The following CWF19L1 variants were observed in gnomAD, a reference collection of about 807,000 sequenced individuals.
The protein encoded by CWF19L1 is CWF19-like protein 1.
Under a neutral mutation model 69.7 loss-of-function variants are expected in CWF19L1, and 60 were observed. The observed-to-expected ratio is 0.86, with a 90% confidence interval of 0.70 to 1.07. The LOEUF (loss-of-function observed/expected upper bound fraction) is 1.07. CWF19L1 is among the 50% of genes least tolerant of loss of function. The pLI, the probability that CWF19L1 is intolerant of heterozygous loss-of-function variation, is 0.00. For synonymous variants in CWF19L1, 209 were observed against 222.2 expected, an observed-to-expected ratio of 0.94 and a Z score of 0.53; for missense variants, 591 against 638.9, an observed-to-expected ratio of 0.92 and a Z score of 0.81.
At chr10:100,256,899 T>C (rs1017901953) in intron 4 of CWF19L1, among the ~76,000 whole-genome samples, 1 of 152,158 alleles carries the variant, frequency 6.6e-6, no homozygotes, top group Non-Finnish European at 1.5e-5. Flanking sequence ...AAGATGCACA[T>C]AGTGAAACCC....
rs376614861 is a variant in CWF19L1 at position 100,261,070 on chromosome 10, T to C, written c.109-26A>G. ...CTAAAATGAGTTTTTTAAACAGATA[T>C]ATGAGATTTTAAAATATCAAACAGT... On this transcript the variant is annotated intron_variant, in intron 2 of 13. Transcript: ENST00000354105. 6.0e-6 allele frequency: 9 copies of C among 1,492,574 alleles called. No homozygotes were observed. In the African/African-American group the frequency reaches 6.9e-5, roughly 12 times the overall value. The allele number at this position is 1,492,574 out of a possible 1,614,324, so 92.5% of individuals were successfully genotyped here.
intron 7 of CWF19L1, among the ~76,000 whole-genome samples, chr10:100,247,711 A>G (rs1429179942): frequency 6.6e-6 from 1 of 152,206 alleles, no homozygotes; most frequent in Non-Finnish European, 1.5e-5. Flanking sequence ...CCCGACCAAC[A>G]TGGAGAAATC....
At chr10:100,253,031 A>T (rs183675620) in intron 6 of CWF19L1, among the ~76,000 whole-genome samples, 1 of 152,220 alleles carries the variant, frequency 6.6e-6, no homozygotes, top group Admixed American at 6.5e-5. Context: ...TTTTAAAGAA[A>T]TGGGGCTCCC....
Position 100,239,979 on chromosome 10 carries a change from A to G in CWF19L1, c.1045-1748T>C, listed in dbSNP as rs183308623. Among the ~76,000 whole-genome samples the G allele has an allele frequency of 1.7e-4, 26 of 152,368 alleles. No individual in the cohort carries two copies. In the East Asian group the frequency reaches 5.0e-3, roughly 29 times the overall value. ...CTATTTTTGTCAGAAGGTCACTGCC[A>G]TAAACATCAGCTTCTCTATTATGAT... On this transcript the variant is annotated intron_variant, in intron 10 of 13. Transcript: ENST00000354105.
At chr10:100,236,736 C>T in intron 12 of CWF19L1, 114 bp downstream of exon 12, 1 of 1,330,270 alleles carries the variant, frequency 7.5e-7, no homozygotes, top group Admixed American at 2.5e-5. Flanking sequence ...TGCCACTGCA[C>T]TCCAACCTAG....
At chr10:100,253,783 C>A (rs558977055) in intron 5 of CWF19L1, 2 of 403,314 alleles carry the variant, frequency 5.0e-6, no homozygotes, top group Non-Finnish European at 8.7e-6. Context: ...AAAGGTAACT[C>A]CTCCATATCA....
At chr10:100,240,794 G>A (rs1053596935) in intron 10 of CWF19L1, among the ~76,000 whole-genome samples, 4 of 152,076 alleles carry the variant, frequency 2.6e-5, no homozygotes, top group Non-Finnish European at 5.9e-5. Context: ...TTGTGTGGGA[G>A]AGAAAAATAG....
At chr10:100,255,180 A>G (rs1290418867) in intron 5 of CWF19L1, among the ~76,000 whole-genome samples, 1 of 152,242 alleles carries the variant, frequency 6.6e-6, no homozygotes, top group East Asian at 1.9e-4. Flanking sequence ...TCCCCATGAT[A>G]GTTGTCACTC....
intron 1 of CWF19L1, among the ~76,000 whole-genome samples, chr10:100,265,474 G>T (rs948474447): frequency 6.7e-5 from 10 of 148,448 alleles, no homozygotes; most frequent in African/African-American, 2.0e-4. Context: ...TCCTACACAG[G>T]TTGTGCCCTT....
chr10:100,255,968 A>G (rs1847200217), intron 5 of CWF19L1, among the ~76,000 whole-genome samples: 1 of 152,052 alleles, frequency 6.6e-6, no homozygotes, highest in African/African-American at 2.4e-5. Context: ...AAATCAGTGA[A>G]GCCTCAAAAC....
At position 100,262,044 on chromosome 10, in the gene CWF19L1, C is replaced by T. The variant is rs1847419770; in HGVS notation, c.43G>A (p.Glu15Lys). 2 of 1,610,612 alleles carry T rather than the reference C, an allele frequency of 1.2e-6. No homozygotes were observed. The highest frequency in any genetic ancestry group is 1.7e-6 in the Non-Finnish European group (2 of 1,179,194). The change falls in exon 2 of 14, where the codon GAA (glutamate) becomes AAA (lysine). Residue 15 changes from glutamate to lysine, a missense_variant. By Grantham distance (56) the Glu-to-Lys change is moderately conservative (BLOSUM62 1). Around this residue, in one of 3 missense-constraint regions of CWF19L1, gnomAD observed 129 missense variants for 131.3 expected, o/e 0.98. Transcript: ENST00000354105. ...TTGAATAAAATATCAAACTTTCCTT[C>T]AACATCTCCACAAGCCAAGCTGCAA... ...PLRLLACGDVEGKFDILFNRV... is the reference protein window; with the variant it reads ...PLRLLACGDVKGKFDILFNRV...
chr10:100,240,711 T>C (rs559715996), intron 10 of CWF19L1, among the ~76,000 whole-genome samples: 1 of 152,300 alleles, frequency 6.6e-6, no homozygotes, highest in South Asian at 2.1e-4. Flanking sequence ...ATCTCTTATC[T>C]CCTGCGTGTG....
At chr10:100,252,947 G>A (rs1403378125) in intron 6 of CWF19L1, among the ~76,000 whole-genome samples, 1 of 152,000 alleles carries the variant, frequency 6.6e-6, no homozygotes, top group African/African-American at 2.4e-5. Context: ...TTTGAAATGT[G>A]TATATACTGT....
intron 9 of CWF19L1, among the ~76,000 whole-genome samples, chr10:100,244,607 G>A (rs1235866401): frequency 1.3e-5 from 2 of 151,966 alleles, no homozygotes; most frequent in Non-Finnish European, 2.9e-5. Flanking sequence ...CGCCCACCTC[G>A]GCCTCCCAAA....
chr10:100,267,414 C>T, intron 1 of CWF19L1, 157 bp downstream of exon 1: 1 of 985,208 alleles, frequency 1.0e-6, no homozygotes, highest in Non-Finnish European at 1.2e-6. Context: ...GAGGTCAGCC[C>T]CGGCCAGGCA....
intron 4 of CWF19L1, among the ~76,000 whole-genome samples, chr10:100,257,595 G>C (rs1172758469): frequency 1.3e-5 from 2 of 151,830 alleles, no homozygotes; most frequent in African/African-American, 4.8e-5. Context: ...ACCACGCCCA[G>C]CCTACTTTAT....
chr10:100,237,150 C>T (rs146993045), intron 11 of CWF19L1, 181 bp from the exon 12 acceptor site: 2 of 781,684 alleles, frequency 2.6e-6, no homozygotes, highest in African/African-American at 1.7e-5. Context: ...TATGAGATAG[C>T]CTGACACATG....
intron 1 of CWF19L1, 188 bp from the exon 2 acceptor site, chr10:100,262,251 G>T (rs558574640): frequency 4.1e-6 from 4 of 985,370 alleles, no homozygotes; most frequent in Non-Finnish European, 4.8e-6. Flanking sequence ...CCCACTCGCC[G>T]TATCTAAAAT....
intron 1 of CWF19L1, chr10:100,262,281 A>G: frequency 1.0e-6 from 1 of 985,380 alleles, no homozygotes; most frequent in South Asian, 4.7e-5. Flanking sequence ...CATTTACTCC[A>G]CAATTGAGCC....
Sources: gnomAD v4.1 joint callset for allele counts (sites outside exome capture counted in the v4.1 genomes callset) on GRCh38, gnomAD v4.1.1 for gene constraint, gnomAD v4.1.1 regional missense constraint, MANE v1.5 for transcripts, NCBI Gene and HGNC (gene_info 2026-07-23, HGNC 2026-07-21) for gene names.